Variants in TNKS2 observed in about 807,000 individuals in gnomAD.
TNKS2 encodes the protein tankyrase 2.
A neutral mutation model predicts 137.6 loss-of-function variants in TNKS2; 72 were observed. The ratio of observed to expected loss-of-function variants is 0.52; its 90% CI spans 0.43 to 0.64. The LOEUF is 0.64. TNKS2 is among the 30% of genes least tolerant of loss of function. The probability of loss-of-function intolerance (pLI) is 0.00; values close to 1 mark genes in which losing one functional copy is unlikely to be tolerated. For missense variants in TNKS2, 1,049 were observed against 1,410.2 expected (o/e 0.74, Z 4.10); for synonymous variants, 516 against 512.1 (o/e 1.01, Z -0.10).
rs1842414111 is a variant in TNKS2 at position 91,847,538 on chromosome 10, T to C, written c.2359-845T>C. ...CGCCACCACACCCAGCTAATAATTT[T>C]TGTATTTTCAGTAGAAATGGGGTTT... is the stretch of plus-strand genomic sequence containing the variant. On this transcript the variant is annotated intron_variant, in intron 18 of 26. Transcript: ENST00000371627. 2.6e-5 allele frequency among the ~76,000 whole-genome samples: 4 copies of C among 152,094 alleles called. No homozygotes were observed. The South Asian group carries it at 8.3e-4, about 32-fold the overall frequency.
intron 6 of TNKS2, among the ~76,000 whole-genome samples, chr10:91,820,541 C>T (rs945941540): frequency 6.6e-6 from 1 of 152,174 alleles, no homozygotes; most frequent in African/African-American, 2.4e-5. Flanking sequence ...AGATGATTCA[C>T]ACAGGAGACA....
At chr10:91,854,995 A>G (rs376617829) in intron 21 of TNKS2, 34 bp from the exon 22 acceptor site, 29 of 1,236,702 alleles carry the variant, frequency 2.3e-5, no homozygotes, top group Non-Finnish European at 3.3e-5. Flanking sequence ...TTTATTGGCA[A>G]TTTATTTTTC....
At chr10:91,861,976 A>G in intron 25 of TNKS2, 23 bp from the exon 26 acceptor site, 1 of 1,595,444 alleles carries the variant, frequency 6.3e-7, no homozygotes, top group Non-Finnish European at 8.5e-7. Context: ...CTTCAGGGTG[A>G]TCTTTTCCTT....
intron 19 of TNKS2, among the ~76,000 whole-genome samples, chr10:91,849,151 T>C (rs1564626742): frequency 6.6e-6 from 1 of 152,252 alleles, no homozygotes; most frequent in African/African-American, 2.4e-5. Context: ...ATCTGCTCTT[T>C]AGATGTAAAC....
chr10:91,841,990 C>T (rs111619445), intron 15 of TNKS2, among the ~76,000 whole-genome samples, 182 bp from the exon 16 acceptor site: 2 of 151,992 alleles, frequency 1.3e-5, no homozygotes, highest in East Asian at 3.9e-4. Context: ...ATTTAACTGC[C>T]TCTGTATTCT....
chr10:91,822,939 T>C (rs1260893941), intron 7 of TNKS2, among the ~76,000 whole-genome samples: 1 of 151,056 alleles, frequency 6.6e-6, no homozygotes, highest in Non-Finnish European at 1.5e-5. Flanking sequence ...TGAAATCCCA[T>C]CTACTCAGGA....
intron 11 of TNKS2, among the ~76,000 whole-genome samples, chr10:91,832,452 C>A (rs1301305920): frequency 6.9e-6 from 1 of 145,158 alleles, no homozygotes; most frequent in Non-Finnish European, 1.5e-5. Flanking sequence ...CTAATCCTAA[C>A]ACAAAGTGGT....
chr10:91,855,213 G>T (rs1010833146), intron 22 of TNKS2, 87 bp downstream of exon 22: 9 of 840,876 alleles, frequency 1.1e-5, no homozygotes, highest in Admixed American at 2.3e-5. Flanking sequence ...CCTTTAGTTT[G>T]CATTATATAA....
intron 21 of TNKS2, among the ~76,000 whole-genome samples, chr10:91,852,157 A>G (rs1337096126): frequency 8.9e-5 from 13 of 145,996 alleles, no homozygotes; most frequent in South Asian, 6.7e-4. Context: ...GAACCCGGGA[A>G]GCGGAGCTTG....
At chr10:91,806,292 A>G (rs1424057651) in intron 1 of TNKS2, among the ~76,000 whole-genome samples, 4 of 152,236 alleles carry the variant, frequency 2.6e-5, no homozygotes, top group Non-Finnish European at 2.9e-5. Context: ...ACTGGAAAAC[A>G]TAACAGTTGT....
chr10:91,809,549 C>G (rs1191133359), intron 1 of TNKS2, among the ~76,000 whole-genome samples: 1 of 151,944 alleles, frequency 6.6e-6, no homozygotes, highest in African/African-American at 2.4e-5. Flanking sequence ...GCCTGTAGTC[C>G]CAGCTACTCG....
At chr10:91,838,432 G>A (rs189915351) in intron 13 of TNKS2, among the ~76,000 whole-genome samples, 75 of 152,284 alleles carry the variant, frequency 4.9e-4, no homozygotes, top group Admixed American at 8.5e-4. Flanking sequence ...ATTACCTAAT[G>A]AACACTTAAC....
chr10:91,840,730 A>G, intron 14 of TNKS2, 24 bp downstream of exon 14: 1 of 1,589,424 alleles, frequency 6.3e-7, no homozygotes, highest in Non-Finnish European at 8.6e-7. Context: ...ATTGTTATGG[A>G]CTCTCTTCCT....
intron 1 of TNKS2, among the ~76,000 whole-genome samples, chr10:91,802,013 T>C (rs538326137): frequency 1.3e-5 from 2 of 152,272 alleles, no homozygotes; most frequent in South Asian, 2.1e-4. Flanking sequence ...ATGAAAGAAA[T>C]ATGTGGCATT....
intron 1 of TNKS2, among the ~76,000 whole-genome samples, chr10:91,803,320 C>G (rs1379076785): frequency 6.6e-6 from 1 of 152,034 alleles, no homozygotes; most frequent in East Asian, 1.9e-4. Context: ...CAAGACCAGC[C>G]TGGGCAACAA....
chr10:91,801,101 C>T (rs916824422), intron 1 of TNKS2, among the ~76,000 whole-genome samples: 1 of 152,084 alleles, frequency 6.6e-6, no homozygotes, highest in African/African-American at 2.4e-5. Flanking sequence ...CTGGGGGAGG[C>T]ATGTTTTTGT....
chr10:91,839,897 G>T (rs1842156124), intron 13 of TNKS2, among the ~76,000 whole-genome samples: 1 of 152,144 alleles, frequency 6.6e-6, no homozygotes, highest in Non-Finnish European at 1.5e-5. Context: ...GGTAATGCTG[G>T]TACTACCGTA....
chr10:91,852,126 G>A (rs943887827), intron 21 of TNKS2, among the ~76,000 whole-genome samples: 1 of 151,906 alleles, frequency 6.6e-6, no homozygotes, highest in African/African-American at 2.4e-5. Flanking sequence ...TATTCAGGAG[G>A]CTGAGGCAGG....
chr10:91,801,534 C>A lies in TNKS2; in HGVS notation c.199+2645C>A, dbSNP rs1364203578. 2.0e-5 allele frequency among the ~76,000 whole-genome samples: 3 copies of A among 151,722 alleles called. No homozygotes were observed. The East Asian group carries it at 5.8e-4, about 29-fold the overall frequency. On this transcript the variant is annotated intron_variant, in intron 1 of 26. Transcript: ENST00000371627. ...TGTCTCCCAGGCTGGAGTGCAGCGT[C>A]ACGATCTCAGCTCACTGCAACCCCC...
Sources: allele counts gnomAD v4.1 joint callset (sites outside exome capture counted in the v4.1 genomes callset), GRCh38; gene constraint gnomAD v4.1.1; transcripts MANE v1.5; gene names NCBI Gene and HGNC (gene_info 2026-07-23, HGNC 2026-07-21).